The following LMX1A variants were observed in gnomAD, a reference collection of about 807,000 sequenced individuals.
The protein encoded by LMX1A is LIM homeobox transcription factor 1-alpha.
Under a neutral mutation model 49.1 loss-of-function variants are expected in LMX1A, and 15 were observed. That is an observed-to-expected ratio of 0.31 (90% CI 0.20 to 0.47). LMX1A has a LOEUF of 0.47. Among genes scored for constraint, LMX1A ranks in the 20% least tolerant of loss-of-function variants. The pLI is 1.00. For missense variants in LMX1A, 372 were observed against 475.8 expected (o/e 0.78, Z 2.03); for synonymous variants, 167 against 185.7 (o/e 0.90, Z 0.82).
intron 4 of LMX1A, among the ~76,000 whole-genome samples, chr1:165,227,434 G>C (rs570707257): frequency 1.3e-5 from 2 of 152,274 alleles, no homozygotes; most frequent in African/African-American, 4.8e-5. Flanking sequence ...CCAGTTACTT[G>C]GGTGGCTGAG....
chr1:165,307,132 G>A (rs1478454411), intron 3 of LMX1A, among the ~76,000 whole-genome samples: 2 of 152,212 alleles, frequency 1.3e-5, no homozygotes, highest in African/African-American at 2.4e-5. Context: ...ACAAATGGCA[G>A]GAAACTCTTT....
chr1:165,311,532 C>A (rs1276023870), intron 3 of LMX1A, among the ~76,000 whole-genome samples: 2 of 152,180 alleles, frequency 1.3e-5, no homozygotes, highest in Non-Finnish European at 2.9e-5. Flanking sequence ...CACCCTCATG[C>A]CCCTGAAGCT....
intron 3 of LMX1A, among the ~76,000 whole-genome samples, chr1:165,265,918 A>G (rs1159121304): frequency 6.6e-6 from 1 of 152,316 alleles, no homozygotes; most frequent in East Asian, 1.9e-4. Context: ...CCGCAAAGAC[A>G]CACAAGGATC....
At chr1:165,223,481 C>T (rs1651925338) in intron 4 of LMX1A, among the ~76,000 whole-genome samples, 1 of 152,106 alleles carries the variant, frequency 6.6e-6, no homozygotes, top group Non-Finnish European at 1.5e-5. Context: ...CTTCCTACCT[C>T]TAGTAGGAGA....
intron 4 of LMX1A, among the ~76,000 whole-genome samples, chr1:165,220,790 C>T (rs901486221): frequency 3.9e-5 from 6 of 152,058 alleles, no homozygotes; most frequent in Admixed American, 6.5e-5. Context: ...ACTCTTTCTA[C>T]GGGAAGGTGT....
chr1:165,334,975 C>T (rs1655857188), intron 3 of LMX1A, among the ~76,000 whole-genome samples: 1 of 152,198 alleles, frequency 6.6e-6, no homozygotes. Flanking sequence ...GTAATTCTTC[C>T]CGCAAGTCCT....
chr1:165,326,600 A>G (rs1443621125), intron 3 of LMX1A, among the ~76,000 whole-genome samples: 1 of 152,208 alleles, frequency 6.6e-6, no homozygotes, highest in Non-Finnish European at 1.5e-5. Flanking sequence ...TGCCTGGGCC[A>G]GCTGGTTAAG....
intron 3 of LMX1A, among the ~76,000 whole-genome samples, chr1:165,298,264 C>T (rs897301313): frequency 6.6e-6 from 1 of 152,192 alleles, no homozygotes; most frequent in Non-Finnish European, 1.5e-5. Context: ...TGATTTACTG[C>T]CGGTGAGGGC....
intron 4 of LMX1A, among the ~76,000 whole-genome samples, chr1:165,229,224 A>C (rs1652156212): frequency 1.3e-5 from 2 of 152,160 alleles, no homozygotes; most frequent in South Asian, 4.1e-4. Context: ...ACACAACCCC[A>C]AAAAAGTGTC....
At chr1:165,209,514 C>A (rs1394184118) in intron 6 of LMX1A, among the ~76,000 whole-genome samples, 1 of 152,122 alleles carries the variant, frequency 6.6e-6, no homozygotes, top group Non-Finnish European at 1.5e-5. Flanking sequence ...GTTAAGTTGA[C>A]CATCAATGCC....
chr1:165,301,453 A>G (rs763780566), intron 3 of LMX1A, among the ~76,000 whole-genome samples: 1 of 152,170 alleles, frequency 6.6e-6, no homozygotes, highest in Non-Finnish European at 1.5e-5. Context: ...TATTTACATC[A>G]CACACACAGA....
intron 3 of LMX1A, among the ~76,000 whole-genome samples, chr1:165,315,234 C>T (rs751845252): frequency 4.6e-5 from 7 of 152,196 alleles, no homozygotes; most frequent in Admixed American, 6.5e-5. Context: ...GATGTCCCCA[C>T]GAACCACATC....
chr1:165,313,727 T>G lies in LMX1A; in HGVS notation c.263+39349A>C, dbSNP rs1655142061. On this transcript the variant is annotated intron_variant, in intron 3 of 8. Coordinates refer to ENST00000342310, the MANE Select transcript of LMX1A (RefSeq NM_177398.4). ...TGCCTTCAGCTCTTCTGCCAGTGCC[T>G]CTTGCTGGTCAAACCAAGAGAGGCC... Among the ~76,000 whole-genome samples the G allele has an allele frequency of 3.3e-5, 5 of 152,128 alleles. 1 individual carries two copies. The highest frequency in any genetic ancestry group is 3.3e-4 in the Admixed American group (5 of 15,274).
rs569597015 is a variant in LMX1A at position 165,271,559 on chromosome 1, C to T, written c.264-21919G>A. Among the ~76,000 whole-genome samples, 11 of 152,290 alleles carry T rather than the reference C, an allele frequency of 7.2e-5. No individual in the cohort carries two copies. The East Asian group carries it at 1.7e-3, about 24-fold the overall frequency. On this transcript the variant is annotated intron_variant, in intron 3 of 8. Transcript: ENST00000342310. The stretch of plus-strand genomic sequence containing the variant: ...TGTGATTCCTATTCCTATAGCTAAT[C>T]GAAGTACATGGATCCTGCAGGACAT...
chr1:165,269,282 A>C (rs1020178858), intron 3 of LMX1A, among the ~76,000 whole-genome samples: 4 of 152,240 alleles, frequency 2.6e-5, no homozygotes, highest in African/African-American at 9.6e-5. Context: ...CAGAGCCTGC[A>C]TTTCCATCCT....
chr1:165,219,519 C>T (rs1571155393), intron 4 of LMX1A, among the ~76,000 whole-genome samples: 1 of 152,168 alleles, frequency 6.6e-6, no homozygotes, highest in East Asian at 1.9e-4. Context: ...AGTCACTGCC[C>T]TGCACTATAG....
intron 3 of LMX1A, among the ~76,000 whole-genome samples, chr1:165,283,643 C>CT (rs1654216990): frequency 6.6e-6 from 1 of 152,174 alleles, no homozygotes; most frequent in Non-Finnish European, 1.5e-5. Context: ...CATAGCATTG[C>CT]TTTTTTCATT....
At position 165,348,365 on chromosome 1, in the gene LMX1A, A is replaced by G. The variant is rs147195278; in HGVS notation, c.263+4711T>C. 1.3e-3 allele frequency among the ~76,000 whole-genome samples: 197 copies of G among 152,310 alleles called. 1 individual carries two copies. The highest frequency in any genetic ancestry group is 4.6e-3 in the African/African-American group (190 of 41,570). On this transcript the variant is annotated intron_variant, in intron 3 of 8. Transcript: ENST00000342310. Reference sequence around the variant, plus strand: ...GTCTTACCCAGGGACCAATACATATAAAAAGAGAAAACACCTCTGAGCAAA... The same window carrying G: ...GTCTTACCCAGGGACCAATACATATGAAAAGAGAAAACACCTCTGAGCAAA...
intron 3 of LMX1A, among the ~76,000 whole-genome samples, chr1:165,326,989 G>A (rs564917322): frequency 3.2e-4 from 49 of 152,264 alleles, no homozygotes; most frequent in Non-Finnish European, 6.2e-4. Flanking sequence ...AATGGCAATA[G>A]TGCTGAGACA....
Sources: allele counts gnomAD v4.1 joint callset (sites outside exome capture counted in the v4.1 genomes callset), GRCh38; gene constraint gnomAD v4.1.1; transcripts MANE v1.5; gene names NCBI Gene and HGNC (gene_info 2026-07-23, HGNC 2026-07-21).